The following NRG3 variants were observed in gnomAD, a reference collection of about 807,000 sequenced individuals.
NRG3 encodes the protein neuregulin 3, also known as pro-neuregulin-3, membrane-bound isoform.
NRG3 carries 31 observed loss-of-function variants against 66.9 expected under a neutral mutation model. The observed-to-expected ratio is 0.46, with a 90% CI of 0.35 to 0.63. The LOEUF is 0.63. Among genes scored for constraint, NRG3 ranks in the 20% least tolerant of loss-of-function variants. The probability of loss-of-function intolerance (pLI) is 0.00; values close to 1 mark genes in which losing one functional copy is unlikely to be tolerated. For synonymous variants in NRG3, 393 were observed against 359.4 expected (o/e 1.09, Z -1.06); for missense variants, 910 against 878.9 (o/e 1.04, Z -0.45).
chr10:82,835,310 T>C (rs1422013098), intron 3 of NRG3, among the ~76,000 whole-genome samples: 2 of 152,150 alleles, frequency 1.3e-5, no homozygotes, highest in African/African-American at 4.8e-5. Flanking sequence ...AACTGGGTTG[T>C]GTCTGAACAG....
chr10:82,567,210 G>T (rs2045464534), intron 2 of NRG3, among the ~76,000 whole-genome samples: 2 of 151,910 alleles, frequency 1.3e-5, no homozygotes, highest in African/African-American at 4.8e-5. Flanking sequence ...TTCTGTCTAT[G>T]AGGAAGTCTT....
intron 1 of NRG3, among the ~76,000 whole-genome samples, chr10:82,139,897 A>C (rs1443065643): frequency 2.0e-5 from 2 of 102,170 alleles, no homozygotes; most frequent in East Asian, 2.6e-4. Context: ...ATTTGTATTT[A>C]GATGAATCAC....
At chr10:82,522,270 C>T (rs991605053) in intron 2 of NRG3, among the ~76,000 whole-genome samples, 1 of 152,032 alleles carries the variant, frequency 6.6e-6, no homozygotes, top group African/African-American at 2.4e-5. Flanking sequence ...GTCTTGGGCT[C>T]CTGACCTCAG....
chr10:82,237,733 T>G (rs2076824556), intron 1 of NRG3, among the ~76,000 whole-genome samples: 1 of 152,180 alleles, frequency 6.6e-6, no homozygotes, highest in Non-Finnish European at 1.5e-5. Flanking sequence ...AAATGTATAT[T>G]TCCTAAGAAG....
intron 3 of NRG3, among the ~76,000 whole-genome samples, chr10:82,793,469 C>A (rs1426071954): frequency 6.6e-6 from 1 of 152,132 alleles, no homozygotes. Context: ...CCTAGGCCTG[C>A]AGCTACCAGG....
chr10:82,235,178 CA>C (rs1196279272), intron 1 of NRG3, among the ~76,000 whole-genome samples: 1 of 152,210 alleles, frequency 6.6e-6, no homozygotes, highest in African/African-American at 2.4e-5. Flanking sequence ...TTGTAAGCAA[CA>C]AATTTTTTGG....
At chr10:82,228,968 G>A (rs1764093) in intron 1 of NRG3, 15,818 of 152,204 alleles carry the variant, frequency 0.1, 891 homozygotes, top group Middle Eastern at 0.18. Context: ...AAGCTTCAAG[G>A]GAAACTCCTT....
intron 1 of NRG3, among the ~76,000 whole-genome samples, chr10:82,112,441 T>C (rs1159549153): frequency 1.3e-5 from 2 of 152,164 alleles, no homozygotes; most frequent in African/African-American, 4.8e-5. Context: ...AAAATGTTAC[T>C]GCCTTTGTTT....
chr10:82,767,792 G>C (rs2059571274), intron 3 of NRG3, among the ~76,000 whole-genome samples: 1 of 151,714 alleles, frequency 6.6e-6, no homozygotes. Context: ...CATTTTACAG[G>C]TGAAATACTT....
chr10:82,941,278 T>G (rs570557294), intron 4 of NRG3, among the ~76,000 whole-genome samples: 3 of 152,306 alleles, frequency 2.0e-5, no homozygotes, highest in Non-Finnish European at 4.4e-5. Context: ...CTCATTGATC[T>G]CATGGTAAGG....
At chr10:82,019,742 T>G (rs2061971290) in intron 1 of NRG3, among the ~76,000 whole-genome samples, 1 of 152,214 alleles carries the variant, frequency 6.6e-6, no homozygotes, top group Non-Finnish European at 1.5e-5. Context: ...TTTATAGTAT[T>G]CTCTGATGGT....
chr10:82,278,956 A>AT (rs2078994344), intron 1 of NRG3, among the ~76,000 whole-genome samples: 1 of 152,090 alleles, frequency 6.6e-6, no homozygotes, highest in African/African-American at 2.4e-5. Flanking sequence ...CTCACACAGT[A>AT]TTGTCCTATG....
At chr10:82,028,277 A>AAAAAC (rs1003798990) in intron 1 of NRG3, among the ~76,000 whole-genome samples, 1 of 152,074 alleles carries the variant, frequency 6.6e-6, no homozygotes, top group Admixed American at 6.6e-5. Flanking sequence ...CATAGGAGGA[A>AAAAAC]AAAACAAAAC....
chr10:82,276,916 A>G (rs148584039), intron 1 of NRG3, among the ~76,000 whole-genome samples: 4,461 of 152,144 alleles, frequency 0.029, 99 homozygotes, highest in Middle Eastern at 0.068. Flanking sequence ...CTTCCTTAGC[A>G]TTAGGTTAAA....
intron 3 of NRG3, among the ~76,000 whole-genome samples, chr10:82,859,923 G>GT (rs1280796081): frequency 3.3e-5 from 5 of 151,752 alleles, no homozygotes; most frequent in African/African-American, 1.2e-4. Flanking sequence ...AATTTTTGGT[G>GT]TTAAAAAAAA....
chr10:82,513,342 T>C (rs1386832313), intron 2 of NRG3, among the ~76,000 whole-genome samples: 2 of 152,226 alleles, frequency 1.3e-5, no homozygotes, highest in Non-Finnish European at 2.9e-5. Context: ...ACATTTTCTT[T>C]ATCCAATCTA....
At chr10:82,535,635 A>G (rs1488765080) in intron 2 of NRG3, among the ~76,000 whole-genome samples, 1 of 152,208 alleles carries the variant, frequency 6.6e-6, no homozygotes, top group Non-Finnish European at 1.5e-5. Context: ...TCACACTAAT[A>G]GGGATGCAGA....
At chr10:82,662,887 C>T (rs2052474543) in intron 2 of NRG3, among the ~76,000 whole-genome samples, 1 of 152,122 alleles carries the variant, frequency 6.6e-6, no homozygotes, top group African/African-American at 2.4e-5. Flanking sequence ...CATGAGGCTT[C>T]CATCCTCAAG....
At chr10:81,922,137 G>A (rs1793492626) in intron 1 of NRG3, among the ~76,000 whole-genome samples, 1 of 152,018 alleles carries the variant, frequency 6.6e-6, no homozygotes, top group Non-Finnish European at 1.5e-5. Flanking sequence ...AATAGTTAAC[G>A]ACTTTTTTTG....
Sources: gnomAD v4.1 joint callset for allele counts (sites outside exome capture counted in the v4.1 genomes callset) on GRCh38, gnomAD v4.1.1 for gene constraint, MANE v1.5 for transcripts, NCBI Gene and HGNC (gene_info 2026-07-23, HGNC 2026-07-21) for gene names.